Variants in SDCCAG8 observed in about 807,000 individuals in gnomAD.
The protein encoded by SDCCAG8 is SHH signaling and ciliogenesis regulator SDCCAG8.
SDCCAG8 carries 74 observed loss-of-function variants against 101.8 expected under a neutral mutation model. The ratio of observed to expected loss-of-function variants is 0.73; its 90% CI spans 0.60 to 0.88. SDCCAG8 has a LOEUF of 0.88. Among genes scored for constraint, SDCCAG8 ranks in the 40% least tolerant of loss-of-function variants. SDCCAG8 has a pLI of 0.00. For synonymous variants in SDCCAG8, 281 were observed against 292.9 expected, an observed-to-expected ratio of 0.96 and a Z score of 0.41; for missense variants, 787 against 822.6, an observed-to-expected ratio of 0.96 and a Z score of 0.53.
intron 16 of SDCCAG8, among the ~76,000 whole-genome samples, chr1:243,483,016 C>G (rs564521906): frequency 1.3e-5 from 2 of 152,264 alleles, no homozygotes; most frequent in South Asian, 4.1e-4. Flanking sequence ...CCCCTCGCCC[C>G]GTTCATGACT....
At chr1:243,310,109 G>A (rs868135164) in intron 8 of SDCCAG8, among the ~76,000 whole-genome samples, 40 of 152,096 alleles carry the variant, frequency 2.6e-4, no homozygotes, top group African/African-American at 8.9e-4. Context: ...TGATCCACCC[G>A]CCTTGGCCTC....
At chr1:243,463,573 A>T (rs1042130716) in intron 16 of SDCCAG8, among the ~76,000 whole-genome samples, 1 of 152,178 alleles carries the variant, frequency 6.6e-6, no homozygotes, top group Non-Finnish European at 1.5e-5. Context: ...GCTTCCTGTA[A>T]TGCCTAATAT....
intron 6 of SDCCAG8, among the ~76,000 whole-genome samples, chr1:243,298,379 CAG>C (rs2071170034): frequency 1.6e-5 from 1 of 63,498 alleles, no homozygotes; most frequent in African/African-American, 5.5e-5. Flanking sequence ...TTTTTTGAGA[CAG>C]AGTTTCGCTT....
intron 7 of SDCCAG8, chr1:243,307,656 T>C (rs925348337): frequency 3.4e-6 from 4 of 1,170,226 alleles, no homozygotes; most frequent in African/African-American, 1.6e-5. Flanking sequence ...ATTTGGAGTT[T>C]TATTTTTGTT....
chr1:243,341,372 T>C (rs372449007), intron 11 of SDCCAG8, among the ~76,000 whole-genome samples, 199 bp downstream of exon 11: 106 of 152,348 alleles, frequency 7.0e-4, no homozygotes, highest in African/African-American at 2.5e-3. Flanking sequence ...TCAGTGGGTA[T>C]TGCATGTGCA....
chr1:243,488,454 TG>T (rs1352561770), intron 16 of SDCCAG8: 1 of 167,802 alleles, frequency 6.0e-6, no homozygotes, highest in Non-Finnish European at 1.3e-5. Flanking sequence ...AAGCCGACTG[TG>T]GACAGATGAG....
chr1:243,362,086 AAC>A (rs1370315140), intron 12 of SDCCAG8, among the ~76,000 whole-genome samples: 2 of 146,678 alleles, frequency 1.4e-5, no homozygotes, highest in African/African-American at 5.0e-5. Flanking sequence ...TGCCTCAAGT[AAC>A]ACAGTAACTG....
intron 4 of SDCCAG8, 152 bp downstream of exon 4, chr1:243,274,808 G>A: frequency 1.7e-6 from 1 of 590,050 alleles, no homozygotes; most frequent in Non-Finnish European, 3.1e-6. Flanking sequence ...TGTGTCACAA[G>A]AGCTTGTCAG....
rs765140932 is a variant in SDCCAG8, at chr1:243,415,770, A to G, written c.1685A>G (p.Gln562Arg). ...AAGGCCCAAGCCCTTCAGGCCCAGC[A>G]AAGAGAGCAGGAGCTGACACAGAAG... Reference protein sequence around the residue: ...EAKAQALQAQQREQELTQKIQ... With the variant: ...EAKAQALQAQRREQELTQKIQ... The change falls in exon 14 of 18, where the codon CAA becomes CGA. Residue 562 changes from glutamine to arginine, a missense_variant. Transcript: ENST00000366541. 7 of 1,613,860 alleles carry G rather than the reference A, an allele frequency of 4.3e-6. 1 individual carries two copies. Among genetic ancestry groups the G allele is most frequent in the Non-Finnish European group, 5.9e-6 (7 of 1,179,810 alleles).
At chr1:243,492,236 C>T (rs6695229) in intron 17 of SDCCAG8, among the ~76,000 whole-genome samples, 2,459 of 150,024 alleles carry the variant, frequency 0.016, 51 homozygotes, top group African/African-American at 0.053. Flanking sequence ...CGCTCCCCGG[C>T]GCTGTCTGCG....
chr1:243,468,614 G>C (rs1172666883), intron 16 of SDCCAG8, among the ~76,000 whole-genome samples: 1 of 152,210 alleles, frequency 6.6e-6, no homozygotes, highest in Non-Finnish European at 1.5e-5. Flanking sequence ...TTGAGCCCAG[G>C]AGTTTGAGGC....
chr1:243,324,246 T>TA lies in SDCCAG8; in HGVS notation c.1069-6293dup, dbSNP rs576095531. ...CTCCTTTTCTTTCTACCATTTTCTC[T>TA]ATGATCGTCTTCAAACAAAGGCATC... On this transcript the variant is annotated intron_variant, in intron 9 of 17. Coordinates refer to ENST00000366541, the MANE Select transcript of SDCCAG8 (RefSeq NM_006642.5). Among the ~76,000 whole-genome samples the TA allele has an allele frequency of 1.6e-3, 238 of 152,306 alleles. 3 individuals are homozygous for TA. Among genetic ancestry groups the TA allele is most frequent in the African/African-American group, 5.4e-3 (224 of 41,572 alleles).
intron 8 of SDCCAG8, among the ~76,000 whole-genome samples, chr1:243,309,148 T>C (rs2072462841): frequency 6.6e-6 from 1 of 152,210 alleles, no homozygotes. Context: ...ATTTAAGACC[T>C]TTTTGGGATT....
chr1:243,474,818 A>T lies in SDCCAG8; in HGVS notation c.1986-14196A>T, dbSNP rs1462815087. On this transcript the variant is annotated intron_variant, in intron 16 of 17. Coordinates refer to ENST00000366541, the MANE Select transcript of SDCCAG8 (RefSeq NM_006642.5). The surrounding 1 kb of genome is among the most constrained non-coding windows in gnomAD (Gnocchi z 4.7). The stretch of plus-strand genomic sequence containing the variant: ...GAGGAGGCTCGTCCTGAACGTGCAC[A>T]GCCGCTCCTAACTCCGTCAACGGAA... Among the ~76,000 whole-genome samples, 1 of 152,236 alleles carries T rather than the reference A, an allele frequency of 6.6e-6. No individual in the cohort carries two copies. Among genetic ancestry groups the T allele is most frequent in the Non-Finnish European group, 1.5e-5 (1 of 68,032 alleles).
At chr1:243,366,737 A>G (rs1302919108) in intron 12 of SDCCAG8, among the ~76,000 whole-genome samples, 1 of 152,112 alleles carries the variant, frequency 6.6e-6, no homozygotes, top group African/African-American at 2.4e-5. Flanking sequence ...TCAAAATGAT[A>G]GGGAATCAAT....
At chr1:243,376,789 C>T (rs972957590) in intron 12 of SDCCAG8, among the ~76,000 whole-genome samples, 12 of 152,104 alleles carry the variant, frequency 7.9e-5, no homozygotes, top group Admixed American at 5.2e-4. Context: ...GTCTCCCTTC[C>T]GCCATTCTTT....
intron 16 of SDCCAG8, among the ~76,000 whole-genome samples, chr1:243,440,196 G>A (rs947491766): frequency 2.6e-5 from 4 of 152,078 alleles, no homozygotes; most frequent in Non-Finnish European, 4.4e-5. Flanking sequence ...GGGTTATGAG[G>A]CTTAAATGAG....
chr1:243,328,101 A>G (rs2074327855), intron 9 of SDCCAG8, among the ~76,000 whole-genome samples: 1 of 151,904 alleles, frequency 6.6e-6, no homozygotes, highest in Admixed American at 6.6e-5. Context: ...ACAGAGTTTC[A>G]CCGTGTTAGC....
intron 1 of SDCCAG8, among the ~76,000 whole-genome samples, chr1:243,263,038 A>C (rs766874261): frequency 4.6e-5 from 7 of 152,202 alleles, no homozygotes; most frequent in Non-Finnish European, 7.3e-5. Flanking sequence ...TGTCGGTCTC[A>C]GGCTGTGTCC....
Sources: gnomAD v4.1 joint callset for allele counts (sites outside exome capture counted in the v4.1 genomes callset) on GRCh38, gnomAD v4.1.1 for gene constraint, Gnocchi (gnomAD v3.1) non-coding constraint, MANE v1.5 for transcripts, NCBI Gene and HGNC (gene_info 2026-07-23, HGNC 2026-07-21) for gene names.